MARK1: variants seen among roughly 807,000 people sequenced by gnomAD.
MARK1 encodes serine/threonine-protein kinase MARK1.
MARK1 carries 40 observed loss-of-function variants against 96.3 expected under a neutral mutation model. That is an observed-to-expected ratio of 0.42 (90% CI 0.32 to 0.54). The LOEUF (loss-of-function observed/expected upper bound fraction) is 0.54, where lower values mean the gene tolerates loss of function less well. Ranked by LOEUF, MARK1 falls within the 20% of genes least tolerant of loss-of-function variation. The probability of loss-of-function intolerance (pLI) is 0.16; values close to 1 mark genes in which losing one functional copy is unlikely to be tolerated. For missense variants in MARK1, 719 were observed against 984.6 expected, an observed-to-expected ratio of 0.73 and a Z score of 3.61; for synonymous variants, 317 against 341.2, an observed-to-expected ratio of 0.93 and a Z score of 0.78.
intron 1 of MARK1, among the ~76,000 whole-genome samples, chr1:220,567,622 G>A (rs1390895574): frequency 6.6e-6 from 1 of 152,110 alleles, no homozygotes; most frequent in Admixed American, 6.6e-5. Flanking sequence ...ATATTGAAAG[G>A]CATTTGTTCC....
chr1:220,646,252 C>G (rs921272202), intron 13 of MARK1, among the ~76,000 whole-genome samples: 5 of 152,078 alleles, frequency 3.3e-5, no homozygotes, highest in African/African-American at 1.2e-4. Context: ...ACAAGCATTC[C>G]TTTACACCAA....
chr1:220,564,520 CTATA>C, intron 1 of MARK1, among the ~76,000 whole-genome samples: 1 of 151,828 alleles, frequency 6.6e-6, no homozygotes, highest in Non-Finnish European at 1.5e-5. Flanking sequence ...ATTGTTTTCT[CTATA>C]TATTATCCAA....
At chr1:220,570,117 T>C (rs1663340048) in intron 1 of MARK1, among the ~76,000 whole-genome samples, 1 of 152,044 alleles carries the variant, frequency 6.6e-6, no homozygotes, top group Non-Finnish European at 1.5e-5. Context: ...ATTTAAAAAT[T>C]TGGAACAGTG....
At chr1:220,583,858 A>G (rs1572124548) in intron 3 of MARK1, among the ~76,000 whole-genome samples, 1 of 125,808 alleles carries the variant, frequency 7.9e-6, no homozygotes, top group East Asian at 2.4e-4. Flanking sequence ...AGTAGAGACG[A>G]GGATTCACCA....
At chr1:220,545,261 G>A (rs1661402103) in intron 1 of MARK1, among the ~76,000 whole-genome samples, 2 of 152,142 alleles carry the variant, frequency 1.3e-5, no homozygotes, top group African/African-American at 4.8e-5. Context: ...AGAGGGCCTG[G>A]CTTGAGATTA....
chr1:220,547,743 T>TA (rs1661598817), intron 1 of MARK1, among the ~76,000 whole-genome samples: 1 of 152,196 alleles, frequency 6.6e-6, no homozygotes, highest in Non-Finnish European at 1.5e-5. Context: ...TTTTTTTGTA[T>TA]TTTTAGTAGA....
At chr1:220,650,076 G>A (rs1381476321) in intron 13 of MARK1, among the ~76,000 whole-genome samples, 1 of 152,146 alleles carries the variant, frequency 6.6e-6, no homozygotes, top group Non-Finnish European at 1.5e-5. Flanking sequence ...TATCTTCAGG[G>A]TGGCACTGCA....
chr1:220,535,185 A>G (rs1029968164), intron 1 of MARK1, among the ~76,000 whole-genome samples: 2 of 152,108 alleles, frequency 1.3e-5, no homozygotes, highest in Admixed American at 1.3e-4. Flanking sequence ...AACAGTGCAC[A>G]AGGGTTGCAA....
intron 6 of MARK1, among the ~76,000 whole-genome samples, chr1:220,611,327 C>G (rs1461607361): frequency 1.3e-5 from 2 of 152,232 alleles, no homozygotes; most frequent in African/African-American, 4.8e-5. Context: ...AGATCAATCT[C>G]AGACTGTTGT....
intron 1 of MARK1, among the ~76,000 whole-genome samples, chr1:220,568,045 A>G (rs1663185318): frequency 6.6e-6 from 1 of 152,152 alleles, no homozygotes; most frequent in African/African-American, 2.4e-5. Context: ...GAATAGGTTA[A>G]TGCAACCCAC....
chr1:220,626,458 A>G, intron 9 of MARK1: 1 of 540,926 alleles, frequency 1.8e-6, no homozygotes, highest in Admixed American at 1.9e-5. Flanking sequence ...GGCCATTTCA[A>G]GTTCAGTGCT....
intron 3 of MARK1, among the ~76,000 whole-genome samples, chr1:220,588,607 A>T (rs1373384987): frequency 6.6e-6 from 1 of 152,224 alleles, no homozygotes; most frequent in African/African-American, 2.4e-5. Flanking sequence ...TGCTAGCAAT[A>T]ATTTTACAAA....
chr1:220,637,101 GT>G (rs754417643), intron 13 of MARK1, among the ~76,000 whole-genome samples: 1 of 152,110 alleles, frequency 6.6e-6, no homozygotes, highest in Non-Finnish European at 1.5e-5. Flanking sequence ...TGTCTCAACT[GT>G]TTTACTACAC....
intron 1 of MARK1, among the ~76,000 whole-genome samples, chr1:220,540,336 A>C (rs1661045470): frequency 6.6e-6 from 1 of 152,180 alleles, no homozygotes; most frequent in South Asian, 2.1e-4. Context: ...TCCCAGCTGA[A>C]GAAGAGAGAA....
At chr1:220,583,570 TC>T (rs1260518366) in intron 3 of MARK1, among the ~76,000 whole-genome samples, 1 of 152,098 alleles carries the variant, frequency 6.6e-6, no homozygotes, top group Non-Finnish European at 1.5e-5. Flanking sequence ...TTTTAGTTCT[TC>T]CTCTTCAAAG....
At chr1:220,633,948 T>C (rs1667809238) in intron 11 of MARK1, among the ~76,000 whole-genome samples, 1 of 152,156 alleles carries the variant, frequency 6.6e-6, no homozygotes, top group South Asian at 2.1e-4. Flanking sequence ...GAGTCTTCAT[T>C]AGAGGGGAAC....
chr1:220,650,815 G>C, intron 14 of MARK1, 95 bp downstream of exon 14: 1 of 792,556 alleles, frequency 1.3e-6, no homozygotes, highest in African/African-American at 1.8e-5. Flanking sequence ...CAGGAGAAAA[G>C]CAGTTATTAC....
intron 1 of MARK1, among the ~76,000 whole-genome samples, chr1:220,554,804 T>C (rs1247255102): frequency 1.3e-5 from 2 of 152,222 alleles, no homozygotes; most frequent in Admixed American, 1.3e-4. Flanking sequence ...ATCTGTCTTC[T>C]GCATAGGCCA....
chr1:220,536,199 G>A (rs566682264), intron 1 of MARK1, among the ~76,000 whole-genome samples: 24 of 151,896 alleles, frequency 1.6e-4, no homozygotes, highest in African/African-American at 5.3e-4. Context: ...AGATAATCTC[G>A]TCTACAAACA....
Sources: gnomAD v4.1 joint callset for allele counts (sites outside exome capture counted in the v4.1 genomes callset) on GRCh38, gnomAD v4.1.1 for gene constraint, MANE v1.5 for transcripts, NCBI Gene and HGNC (gene_info 2026-07-23, HGNC 2026-07-21) for gene names.